SVIL: variants seen among roughly 807,000 people sequenced by gnomAD.
The protein encoded by SVIL is supervillin, also known as archvillin.
SVIL carries 101 observed loss-of-function variants against 240.4 expected under a neutral mutation model. The ratio of observed to expected loss-of-function variants is 0.42; its 90% CI spans 0.36 to 0.50. The LOEUF (loss-of-function observed/expected upper bound fraction) is 0.50. Among genes scored for constraint, SVIL ranks in the 20% least tolerant of loss-of-function variants. The pLI is 0.01. For missense variants in SVIL, 2,512 were observed against 2,818.7 expected (o/e 0.89, Z 2.46); for synonymous variants, 999 against 1,100.0 (o/e 0.91, Z 1.82).
At chr10:29,689,287 G>GTTTTCTTTTTT (rs1307852261) in intron 1 of SVIL, among the ~76,000 whole-genome samples, 1 of 151,866 alleles carries the variant, frequency 6.6e-6, no homozygotes, top group Non-Finnish European at 1.5e-5. Flanking sequence ...TCTTTTCTTT[G>GTTTTCTTTTTT]TTTTCTTTTT....
chr10:29,692,533 A>T (rs1961589123), intron 1 of SVIL, among the ~76,000 whole-genome samples: 1 of 152,122 alleles, frequency 6.6e-6, no homozygotes, highest in Non-Finnish European at 1.5e-5. Context: ...TTCAGGAGAG[A>T]TCTGTGATGA....
At chr10:29,590,037 T>G (rs1438184554) in intron 1 of SVIL, among the ~76,000 whole-genome samples, 1 of 151,520 alleles carries the variant, frequency 6.6e-6, no homozygotes, top group African/African-American at 2.4e-5. Context: ...TGTGGTGGCA[T>G]GTGCCTGTAA....
chr10:29,488,884 T>C (rs1395758995), intron 22 of SVIL, 128 bp from the exon 23 acceptor site: 3 of 1,052,920 alleles, frequency 2.8e-6, no homozygotes, highest in Non-Finnish European at 4.1e-6. Flanking sequence ...AGGGAAAACA[T>C]ACTCAAGTTT....
intron 1 of SVIL, among the ~76,000 whole-genome samples, chr10:29,693,992 T>C (rs538945734): frequency 6.6e-6 from 1 of 152,150 alleles, no homozygotes; most frequent in South Asian, 2.1e-4. Context: ...TAGATAAAAT[T>C]GCAATTCCAT....
At chr10:29,459,889 G>A (rs11007597) in intron 36 of SVIL, among the ~76,000 whole-genome samples, 2,064 of 152,176 alleles carry the variant, frequency 0.014, 18 homozygotes, top group Non-Finnish European at 0.02. Flanking sequence ...CCAGGAGTTG[G>A]AGACCAGCTT....
chr10:29,531,321 A>G (rs761430039), intron 9 of SVIL, 33 bp from the exon 10 acceptor site: 1 of 1,595,184 alleles, frequency 6.3e-7, no homozygotes, highest in East Asian at 2.2e-5. Context: ...ACAATAATAC[A>G]TTAGCAGGTG....
Position 29,463,576 on chromosome 10 carries a change from C to T in SVIL, c.6193G>A (p.Glu2065Lys), listed in dbSNP as rs770159540. Residue 2065 changes from glutamate (E) to lysine (K), a missense_variant, in exon 35 of 38, where the codon GAG (glutamate) becomes AAG (lysine). Coordinates refer to ENST00000355867, the MANE Select transcript of SVIL (RefSeq NM_021738.3). The stretch of plus-strand genomic sequence containing the variant: ...CGGGCGGAACCAGTGATCTTGTTCT[C>T]GATGGGCCACCAGCCTTGCCAGAGG... ...VYLWQGWWPI[E>K]NKITGSARIR... 28 of 1,614,152 alleles carry T rather than the reference C, an allele frequency of 1.7e-5. No individual in the cohort carries two copies. Among genetic ancestry groups the T allele is most frequent in the East Asian group, 4.5e-5 (2 of 44,874 alleles).
intron 1 of SVIL, among the ~76,000 whole-genome samples, chr10:29,607,107 G>A (rs866148460): frequency 3.5e-4 from 53 of 152,100 alleles, no homozygotes; most frequent in African/African-American, 1.2e-3. Flanking sequence ...TCCTGGTGTG[G>A]GGCATGATTT....
intron 27 of SVIL, 128 bp from the exon 28 acceptor site, chr10:29,481,856 A>G: frequency 2.4e-6 from 2 of 830,478 alleles, no homozygotes; most frequent in South Asian, 3.5e-5. Flanking sequence ...GTACATATAA[A>G]GTAAATGGTT....
intron 1 of SVIL, among the ~76,000 whole-genome samples, chr10:29,603,849 A>AATAG (rs1237786197): frequency 2.6e-4 from 39 of 152,330 alleles, no homozygotes; most frequent in African/African-American, 9.4e-4. Context: ...TTAGGCTGCT[A>AATAG]ATAGATGTCA....
intron 1 of SVIL, among the ~76,000 whole-genome samples, chr10:29,730,411 G>A (rs759803143): frequency 1.3e-5 from 2 of 152,254 alleles, no homozygotes; most frequent in Non-Finnish European, 2.9e-5. Context: ...TCAATCAGGA[G>A]ATCTTAGTTC....
At chr10:29,635,506 A>G (rs1045242580), upstream of SVIL, among the ~76,000 whole-genome samples, 2 of 152,204 alleles carry the variant, frequency 1.3e-5, no homozygotes, top group African/African-American at 2.4e-5. Flanking sequence ...AATGACACAA[A>G]TATTTTCTCT....
At chr10:29,479,638 A>G (rs563389999) in intron 29 of SVIL, among the ~76,000 whole-genome samples, 1 of 152,310 alleles carries the variant, frequency 6.6e-6, no homozygotes, top group African/African-American at 2.4e-5. Context: ...TGCTCAGGAA[A>G]TGTTGTCAGC....
intron 1 of SVIL, among the ~76,000 whole-genome samples, chr10:29,586,568 A>C (rs1377188676): frequency 6.6e-6 from 1 of 152,176 alleles, no homozygotes; most frequent in Non-Finnish European, 1.5e-5. Flanking sequence ...CTATCTAGTT[A>C]TATTTCCTCC....
intron 6 of SVIL, among the ~76,000 whole-genome samples, chr10:29,536,366 C>G (rs569677956): frequency 6.6e-6 from 1 of 152,086 alleles, no homozygotes; most frequent in South Asian, 2.1e-4. Context: ...AATTTACCTA[C>G]ATAACAAATC....
intron 22 of SVIL, among the ~76,000 whole-genome samples, chr10:29,490,279 T>C (rs1012467020): frequency 6.6e-6 from 1 of 152,204 alleles, no homozygotes; most frequent in African/African-American, 2.4e-5. Context: ...TCCAGTGATT[T>C]GAAGTGTTTT....
intron 1 of SVIL, among the ~76,000 whole-genome samples, chr10:29,570,273 A>T (rs1456687773): frequency 6.6e-6 from 1 of 152,258 alleles, no homozygotes; most frequent in Non-Finnish European, 1.5e-5. Flanking sequence ...TTGTTATGTA[A>T]TTAACCAAAG....
At chr10:29,653,978 T>C (rs1187609590) in intron 3 of SVIL, among the ~76,000 whole-genome samples, 1 of 152,208 alleles carries the variant, frequency 6.6e-6, no homozygotes, top group Admixed American at 6.5e-5. Context: ...GTTTTGAAGC[T>C]GAGTCTCCTA....
intron 3 of SVIL, among the ~76,000 whole-genome samples, chr10:29,562,760 CAAAAAAAAGAAAAAAAA>C (rs1411720070): frequency 8.1e-5 from 5 of 61,438 alleles, no homozygotes; most frequent in African/African-American, 3.1e-4. Flanking sequence ...GACTCCGTCT[CAAAAAAAAGAAAAAAAA>C]AAAAAAAAAA....
Sources: gnomAD v4.1 joint callset for allele counts (sites outside exome capture counted in the v4.1 genomes callset) on GRCh38, gnomAD v4.1.1 for gene constraint, MANE v1.5 for transcripts, NCBI Gene and HGNC (gene_info 2026-07-23, HGNC 2026-07-21) for gene names.